ROCK1: variants seen among roughly 807,000 people sequenced by gnomAD.
ROCK1 encodes the protein Rho associated coiled-coil containing protein kinase 1, also known as rho-associated protein kinase 1.
ROCK1 carries 36 observed loss-of-function variants against 196.8 expected under a neutral mutation model. That is an observed-to-expected ratio of 0.18 (90% CI 0.14 to 0.24). The LOEUF is 0.24. ROCK1 is among the 10% of genes least tolerant of loss of function. The pLI, the probability that ROCK1 is intolerant of heterozygous loss-of-function variation, is 1.00. For missense variants in ROCK1, 920 were observed against 1,562.0 expected, an observed-to-expected ratio of 0.59 and a Z score of 6.93; for synonymous variants, 443 against 515.9, an observed-to-expected ratio of 0.86 and a Z score of 1.91.
intron 1 of ROCK1, among the ~76,000 whole-genome samples, chr18:21,073,090 A>G (rs1381312430): frequency 7.0e-6 from 1 of 143,572 alleles, no homozygotes. Context: ...AAAAAAAAAA[A>G]AAAAAAAAAC....
At chr18:21,057,747 A>G (rs1395374937) in intron 2 of ROCK1, among the ~76,000 whole-genome samples, 3 of 152,140 alleles carry the variant, frequency 2.0e-5, no homozygotes. Flanking sequence ...CTTGAACTCA[A>G]GAGGTGGAGG....
chr18:20,992,912 C>G lies in ROCK1; in HGVS notation c.1911G>C (p.Glu637Asp). The G allele has an allele frequency of 6.2e-7, 1 of 1,611,736 alleles. No homozygotes were observed. Among genetic ancestry groups the G allele is most frequent in the Non-Finnish European group, 8.5e-7 (1 of 1,178,432 alleles). ...CGAGATTATGTTTGAGATGCTTCAC[C>G]TCCTCTTGTAAAGATGTAATTCGAG... Reference protein sequence around the residue: ...LQARITSLQEEVKHLKHNLEK... With the variant: ...LQARITSLQEDVKHLKHNLEK... Residue 637 changes from glutamate (E) to aspartate (D), a missense_variant, in exon 17 of 33, where the codon GAG (glutamate) becomes GAC (aspartate). Glu to Asp is a conservative substitution (Grantham distance 45, BLOSUM62 2). Transcript: ENST00000399799.
At position 21,042,662 on chromosome 18, in the gene ROCK1, A is replaced by T. The variant is rs751978601; in HGVS notation, c.723T>A (p.Ile241=). 1 of 1,613,836 alleles carries T rather than the reference A, an allele frequency of 6.2e-7. No individual in the cohort carries two copies. The highest frequency in any genetic ancestry group is 1.3e-5 in the African/African-American group (1 of 74,940). The change falls in exon 7 of 33, where the codon ATT becomes ATA. Residue 241 remains isoleucine, a synonymous_variant. Transcript: ENST00000399799. ...CDTAVGTPDY[I]SPEVLKSQGG... is the part of the protein sequence containing the mutation. ...CTTGGGATTTTAATACTTCAGGGGA[A>T]ATATAATCAGGTGTTCCAACCGCTG...
intron 4 of ROCK1, among the ~76,000 whole-genome samples, chr18:21,048,542 A>G (rs1052388614): frequency 7.2e-5 from 11 of 151,852 alleles, no homozygotes; most frequent in Non-Finnish European, 2.9e-5. Context: ...CTGTATTTAA[A>G]TTTTATATTT....
chr18:20,963,807 G>A (rs1294948896), intron 27 of ROCK1, among the ~76,000 whole-genome samples: 2 of 152,136 alleles, frequency 1.3e-5, no homozygotes, highest in African/African-American at 2.4e-5. Context: ...CTTTATGTTT[G>A]TATTGTGTGC....
intron 22 of ROCK1, 56 bp from the exon 23 acceptor site, chr18:20,970,569 C>A (rs1406794686): frequency 6.0e-6 from 7 of 1,171,590 alleles, no homozygotes. Context: ...ATCCTTCCAA[C>A]TTAATCATAT....
intron 22 of ROCK1, 84 bp downstream of exon 22, chr18:20,979,826 A>T: frequency 7.0e-7 from 1 of 1,420,310 alleles, no homozygotes; most frequent in East Asian, 2.6e-5. Context: ...TCCCACCAGA[A>T]TAATGGCACA....
At chr18:20,955,837 A>G (rs2035236722) in intron 29 of ROCK1, among the ~76,000 whole-genome samples, 1 of 149,936 alleles carries the variant, frequency 6.7e-6, no homozygotes, top group Non-Finnish European at 1.5e-5. Flanking sequence ...AGCTGATCAG[A>G]AAAGATTACA....
At chr18:20,990,987 C>T (rs1203800554) in intron 18 of ROCK1, among the ~76,000 whole-genome samples, 189 bp downstream of exon 18, 1 of 151,970 alleles carries the variant, frequency 6.6e-6, no homozygotes, top group East Asian at 1.9e-4. Flanking sequence ...CTCAAACTCC[C>T]GGCCTCAAGT....
chr18:21,000,817 A>C (rs1365336964), intron 16 of ROCK1, among the ~76,000 whole-genome samples: 1 of 152,220 alleles, frequency 6.6e-6, no homozygotes, highest in African/African-American at 2.4e-5. Context: ...ACAGGAATGT[A>C]AAATGGTGCA....
rs778490302 is a variant in ROCK1, at chr18:21,023,676, A to G, written c.1216T>C (p.Leu406=). 16 of 1,564,992 alleles carry G rather than the reference A, an allele frequency of 1.0e-5. No individual in the cohort carries two copies. The African/African-American group carries it at 1.9e-4, about 19-fold the overall frequency. The change falls in exon 11 of 33, where the codon TTA becomes CTA. Residue 406 remains leucine, a synonymous_variant. Transcript: ENST00000399799. The stretch of plus-strand genomic sequence containing the variant: ...TTATCATTAGGATTTGCTGAAGATA[A>G]GTATCTGAGGGAAAGAAAAGTTTAA... ...GFTYYSNRRY[L]SSANPNDNRT...
At chr18:21,093,229 G>A (rs112265762) in intron 1 of ROCK1, among the ~76,000 whole-genome samples, 7,682 of 152,200 alleles carry the variant, frequency 0.05, 652 homozygotes, top group African/African-American at 0.18. Flanking sequence ...CACTCGTCTT[G>A]TAATCACAAG....
intron 8 of ROCK1, among the ~76,000 whole-genome samples, chr18:21,040,191 TTTGTG>T (rs1227412725): frequency 4.6e-5 from 7 of 152,242 alleles, no homozygotes; most frequent in African/African-American, 1.7e-4. Flanking sequence ...TTGACAGTTT[TTTGTG>T]TGTGTGTGTT....
intron 1 of ROCK1, among the ~76,000 whole-genome samples, chr18:21,086,452 T>G (rs1036698700): frequency 1.3e-5 from 2 of 152,146 alleles, no homozygotes; most frequent in Non-Finnish European, 2.9e-5. Context: ...GTTATTTTCT[T>G]AAAATTCTTA....
At chr18:20,959,019 T>TAATATATATATTTTATAAAAA (rs2035282991) in intron 29 of ROCK1, among the ~76,000 whole-genome samples, 2 of 70,928 alleles carry the variant, frequency 2.8e-5, no homozygotes, top group African/African-American at 1.4e-4. Flanking sequence ...ATATAATATA[T>TAATATATATATTTTATAAAAA]ATAATATATA....
At chr18:21,055,373 C>T (rs1254105241) in intron 2 of ROCK1, among the ~76,000 whole-genome samples, 1 of 152,048 alleles carries the variant, frequency 6.6e-6, no homozygotes, top group Non-Finnish European at 1.5e-5. Context: ...CACACACCTC[C>T]CACAGCTCTC....
intron 18 of ROCK1, among the ~76,000 whole-genome samples, chr18:20,989,365 G>T (rs1191785040): frequency 6.6e-6 from 1 of 152,160 alleles, no homozygotes; most frequent in East Asian, 1.9e-4. Flanking sequence ...TGAGAATAAA[G>T]AATAAGAGCA....
intron 1 of ROCK1, among the ~76,000 whole-genome samples, chr18:21,093,443 A>AC (rs1369530877): frequency 7.2e-5 from 11 of 152,102 alleles, no homozygotes; most frequent in Non-Finnish European, 1.6e-4. Flanking sequence ...CCTCCTCAGT[A>AC]CCCCATGAAA....
chr18:21,007,706 G>A (rs1282530648), intron 14 of ROCK1, among the ~76,000 whole-genome samples: 11 of 151,940 alleles, frequency 7.2e-5, no homozygotes, highest in Middle Eastern at 3.2e-3. Context: ...AGTACCTAGG[G>A]GGCTTGTAAA....
Sources: allele counts gnomAD v4.1 joint callset (sites outside exome capture counted in the v4.1 genomes callset), GRCh38; gene constraint gnomAD v4.1.1; transcripts MANE v1.5; gene names NCBI Gene and HGNC (gene_info 2026-07-23, HGNC 2026-07-21).